Variants in SERPINE2 observed in about 807,000 individuals in gnomAD.
SERPINE2 encodes glia-derived nexin.
A neutral mutation model predicts 36.3 loss-of-function variants in SERPINE2; 14 were observed. That is an observed-to-expected ratio of 0.39 (90% CI 0.25 to 0.60). The LOEUF is 0.60. Ranked by LOEUF, SERPINE2 falls within the 20% of genes least tolerant of loss-of-function variation. The pLI is 0.57. For synonymous variants in SERPINE2, 192 were observed against 191.8 expected (o/e 1.00, Z -0.01); for missense variants, 418 against 499.6 (o/e 0.84, Z 1.56).
At chr2:224,000,064 G>A (rs886498275) in intron 2 of SERPINE2, among the ~76,000 whole-genome samples, 3 of 152,238 alleles carry the variant, frequency 2.0e-5, no homozygotes, top group African/African-American at 7.2e-5. Flanking sequence ...GCTGAGCAGA[G>A]TCGGAGGCGG....
intron 3 of SERPINE2, among the ~76,000 whole-genome samples, chr2:223,993,668 G>A (rs946803050): frequency 7.9e-5 from 12 of 152,128 alleles, no homozygotes; most frequent in African/African-American, 2.7e-4. Context: ...ATTCAGGGGT[G>A]AGAGTATTAA....
chr2:223,991,360 T>C (rs535967104), intron 4 of SERPINE2, among the ~76,000 whole-genome samples: 2 of 152,300 alleles, frequency 1.3e-5, no homozygotes, highest in Non-Finnish European at 2.9e-5. Context: ...TCCTGCTTCC[T>C]CCCCACCAAA....
chr2:224,030,217 G>T (rs974289142), intron 1 of SERPINE2: 14 of 985,426 alleles, frequency 1.4e-5, no homozygotes, highest in Non-Finnish European at 1.4e-5. Context: ...CCTGCGGGCA[G>T]GACAGATGAC....
At chr2:223,985,631 T>C (rs2106141405) in intron 4 of SERPINE2, among the ~76,000 whole-genome samples, 1 of 152,328 alleles carries the variant, frequency 6.6e-6, no homozygotes, top group South Asian at 2.1e-4. Flanking sequence ...GCTGAGGATC[T>C]ACAGCACCTC....
chr2:224,026,040 GA>G (rs1692170066), intron 1 of SERPINE2, among the ~76,000 whole-genome samples: 1 of 152,194 alleles, frequency 6.6e-6, no homozygotes, highest in Admixed American at 6.5e-5. Flanking sequence ...TAGGAGAAGT[GA>G]CACATTCCAC....
intron 1 of SERPINE2, among the ~76,000 whole-genome samples, chr2:224,017,851 C>T (rs1445755149): frequency 1.3e-5 from 2 of 152,206 alleles, no homozygotes; most frequent in African/African-American, 4.8e-5. Flanking sequence ...CTGGGGTCCT[C>T]TCTTCAGGCT....
chr2:224,030,396 A>T (rs1310735896), intron 1 of SERPINE2: 3 of 201,726 alleles, frequency 1.5e-5, no homozygotes, highest in African/African-American at 2.4e-5. Flanking sequence ...AATATTACCC[A>T]ATGCCACAAC....
intron 2 of SERPINE2, 175 bp downstream of exon 2, chr2:224,001,467 A>G (rs1003740538): frequency 4.8e-6 from 3 of 627,744 alleles, no homozygotes; most frequent in African/African-American, 1.9e-5. Context: ...CCTAACTGCC[A>G]GCACCACAGT....
chr2:224,031,542 C>G (rs1165731577), intron 1 of SERPINE2: 1 of 980,888 alleles, frequency 1.0e-6, no homozygotes, highest in Non-Finnish European at 1.2e-6. Flanking sequence ...GCCATTGGTA[C>G]ACGGAAGGGC....
At chr2:224,026,363 C>T (rs890089417) in intron 1 of SERPINE2, among the ~76,000 whole-genome samples, 1 of 152,212 alleles carries the variant, frequency 6.6e-6, no homozygotes, top group South Asian at 2.1e-4. Flanking sequence ...AAGTTATAAC[C>T]TCAAGAACAA....
chr2:224,025,577 ACTTTTCATT>A (rs949167803), intron 1 of SERPINE2, among the ~76,000 whole-genome samples: 5 of 152,244 alleles, frequency 3.3e-5, no homozygotes, highest in Admixed American at 3.3e-4. Flanking sequence ...TAGAAATAGT[ACTTTTCATT>A]CCATGTCCAC....
chr2:223,999,296 G>A (rs1337169408), intron 2 of SERPINE2, among the ~76,000 whole-genome samples: 1 of 152,122 alleles, frequency 6.6e-6, no homozygotes, highest in African/African-American at 2.4e-5. Context: ...GTGAAAAAGA[G>A]GCAAATAAGT....
At chr2:224,007,793 A>C (rs6436455) in intron 1 of SERPINE2, among the ~76,000 whole-genome samples, 123,058 of 152,138 alleles carry the variant, frequency 0.81, 49,947 homozygotes, top group South Asian at 0.89. Context: ...GTTGAAAAAA[A>C]CAGGTTATTT....
intron 6 of SERPINE2, 111 bp from the exon 7 acceptor site, chr2:223,980,508 T>C (rs1161664640): frequency 1.1e-6 from 1 of 871,100 alleles, no homozygotes; most frequent in Non-Finnish European, 1.9e-6. Flanking sequence ...ATTTTTAAAG[T>C]GTCAGAAGAC....
At chr2:224,003,421 G>A (rs1574831541) in intron 1 of SERPINE2, among the ~76,000 whole-genome samples, 1 of 152,290 alleles carries the variant, frequency 6.6e-6, no homozygotes, top group East Asian at 1.9e-4. Flanking sequence ...AACCACAAGC[G>A]CTTGATTCTT....
intron 3 of SERPINE2, among the ~76,000 whole-genome samples, chr2:223,995,474 A>C (rs1574823401): frequency 6.6e-6 from 1 of 152,210 alleles, no homozygotes; most frequent in Non-Finnish European, 1.5e-5. Context: ...AGTCCCACCC[A>C]ATGAAGAATT....
chr2:224,005,066 TATATATATATATA>T lies in SERPINE2; in HGVS notation c.-22-3157_-22-3145del, dbSNP rs1271218925. On this transcript the variant is annotated intron_variant, in intron 1 of 8. Transcript: ENST00000409304. ...TATATTTTATATATTTTATATATAT[TATATATATATATA>T]TATATATATATATATATAAAACATT... is the stretch of plus-strand genomic sequence containing the variant. 5.1e-3 allele frequency among the ~76,000 whole-genome samples: 443 copies of T among 86,422 alleles called. 18 individuals carry two copies. Among genetic ancestry groups the T allele is most frequent in the African/African-American group, 0.019 (184 of 9,680 alleles). The allele number at this position is 86,422 out of a possible 152,430, so 56.7% of individuals were successfully genotyped here.
chr2:224,018,371 C>A (rs1691870767), intron 1 of SERPINE2, among the ~76,000 whole-genome samples: 1 of 152,282 alleles, frequency 6.6e-6, no homozygotes, highest in East Asian at 1.9e-4. Flanking sequence ...CAACACATTC[C>A]ATGATAGAAG....
At chr2:224,038,364 C>A in intron 1 of SERPINE2, 1 of 768,726 alleles carries the variant, frequency 1.3e-6, no homozygotes, top group Non-Finnish European at 2.2e-6. Context: ...TCAACAGCAT[C>A]TTCCATAATA....
Sources: gnomAD v4.1 joint callset for allele counts (sites outside exome capture counted in the v4.1 genomes callset) on GRCh38, gnomAD v4.1.1 for gene constraint, MANE v1.5 for transcripts, NCBI Gene and HGNC (gene_info 2026-07-23, HGNC 2026-07-21) for gene names.